CTNNA3: variants seen among roughly 807,000 people sequenced by gnomAD.
CTNNA3 encodes catenin alpha-3.
Under a neutral mutation model 95.7 loss-of-function variants are expected in CTNNA3, and 76 were observed. The observed-to-expected ratio is 0.79, with a 90% CI of 0.66 to 0.96. The LOEUF is 0.96. Among genes scored for constraint, CTNNA3 ranks in the 40% least tolerant of loss-of-function variants. The pLI is 0.00. For missense variants in CTNNA3, 1,191 were observed against 1,089.8 expected (o/e 1.09, Z -1.31); for synonymous variants, 431 against 374.4 (o/e 1.15, Z -1.74).
At chr10:66,479,731 G>T (rs1285744124) in intron 11 of CTNNA3, among the ~76,000 whole-genome samples, 4 of 151,686 alleles carry the variant, frequency 2.6e-5, no homozygotes, top group African/African-American at 9.7e-5. Context: ...CCAAGGAAAG[G>T]CATGCTTATT....
chr10:66,743,804 C>T (rs1395508566), intron 9 of CTNNA3, among the ~76,000 whole-genome samples: 2 of 151,680 alleles, frequency 1.3e-5, no homozygotes, highest in East Asian at 1.9e-4. Flanking sequence ...GGTGAAATCC[C>T]GTCTCTGCCA....
At chr10:67,371,100 T>A (rs1843427708) in intron 5 of CTNNA3, among the ~76,000 whole-genome samples, 1 of 151,664 alleles carries the variant, frequency 6.6e-6, no homozygotes, top group Admixed American at 6.6e-5. Flanking sequence ...TCTCCTGACC[T>A]CTTGATCCGC....
intron 10 of CTNNA3, among the ~76,000 whole-genome samples, chr10:66,557,121 G>A (rs4579831): frequency 6.6e-6 from 1 of 151,864 alleles, no homozygotes; most frequent in African/African-American, 2.4e-5. Flanking sequence ...GCTCAATTCA[G>A]AACTAAGCAT....
intron 12 of CTNNA3, among the ~76,000 whole-genome samples, chr10:66,284,963 G>A (rs2091560288): frequency 6.6e-6 from 1 of 151,518 alleles, no homozygotes; most frequent in African/African-American, 2.4e-5. Context: ...GCTAATTATT[G>A]TGGTTCATAT....
At chr10:67,653,019 T>G (rs1839921060) in intron 1 of CTNNA3, among the ~76,000 whole-genome samples, 1 of 152,188 alleles carries the variant, frequency 6.6e-6, no homozygotes, top group African/African-American at 2.4e-5. Context: ...ATTGGGTAAT[T>G]TATAAAGAAA....
At chr10:66,479,840 T>A (rs894109934) in intron 11 of CTNNA3, among the ~76,000 whole-genome samples, 1 of 152,036 alleles carries the variant, frequency 6.6e-6, no homozygotes, top group Non-Finnish European at 1.5e-5. Flanking sequence ...CTGGTTTGTG[T>A]TTTATGTGCC....
intron 17 of CTNNA3, among the ~76,000 whole-genome samples, chr10:65,963,931 C>A (rs969135194): frequency 6.6e-6 from 1 of 152,170 alleles, no homozygotes; most frequent in Non-Finnish European, 1.5e-5. Context: ...CAGAACAGAA[C>A]ATACTGCCCA....
intron 15 of CTNNA3, among the ~76,000 whole-genome samples, chr10:66,031,610 A>G (rs2079450785): frequency 6.6e-6 from 1 of 152,184 alleles, no homozygotes; most frequent in Non-Finnish European, 1.5e-5. Flanking sequence ...TCTACTGGGT[A>G]CCATACTAAC....
In CTNNA3 at chr10:65,988,745, T is replaced by C; in HGVS notation, c.2212A>G (p.Ile738Val). 1.2e-6 allele frequency: 2 copies of C among 1,614,078 alleles called. No individual in the cohort carries two copies. The highest frequency in any genetic ancestry group is 1.7e-6 in the Non-Finnish European group (2 of 1,179,988). ...TTDVIYAAKMISESGSRMDVL... is the reference protein window; with the variant it reads ...TTDVIYAAKMVSESGSRMDVL... ...TCCATCCTTGATCCTGATTCTGATATCATTTTCGCTGCATAGATCACATCA... is the reference window on the plus strand; with the variant it reads ...TCCATCCTTGATCCTGATTCTGATACCATTTTCGCTGCATAGATCACATCA... The change falls in exon 16 of 18, where the codon ATA (isoleucine) becomes GTA (valine). Residue 738 changes from isoleucine (I) to valine (V), a missense_variant. By Grantham distance (29) the Ile-to-Val change is conservative (BLOSUM62 3). Transcript: ENST00000433211.
chr10:66,408,798 C>T (rs924391330), intron 11 of CTNNA3, among the ~76,000 whole-genome samples: 2 of 152,052 alleles, frequency 1.3e-5, no homozygotes, highest in Non-Finnish European at 2.9e-5. Flanking sequence ...TGTATAAAAC[C>T]TAGCTGAAAT....
chr10:66,072,529 C>T (rs185110090), intron 14 of CTNNA3, among the ~76,000 whole-genome samples: 1 of 152,196 alleles, frequency 6.6e-6, no homozygotes, highest in Non-Finnish European at 1.5e-5. Flanking sequence ...ACTGCCACCT[C>T]TACCTCCTAG....
chr10:67,044,428 CT>C (rs1384811852), intron 7 of CTNNA3, among the ~76,000 whole-genome samples: 1 of 151,986 alleles, frequency 6.6e-6, no homozygotes, highest in Non-Finnish European at 1.5e-5. Context: ...TAAAAACTTG[CT>C]TTTAAGAAGA....
intron 7 of CTNNA3, among the ~76,000 whole-genome samples, chr10:66,997,874 C>T (rs1851445857): frequency 6.6e-6 from 1 of 152,158 alleles, no homozygotes; most frequent in Non-Finnish European, 1.5e-5. Context: ...TCCATCCCCA[C>T]ACTCCTAATT....
Position 66,540,681 on chromosome 10 carries a change from C to G in CTNNA3, c.1375-19908G>C, listed in dbSNP as rs1435015669. ...CCTTTCTCCCTTTCTTCCTTTCTTC[C>G]TTTCTTCCTTTCTAGTACAGAGCCA... On this transcript the variant is annotated intron_variant, in intron 10 of 17. Coordinates refer to ENST00000433211, the MANE Select transcript of CTNNA3 (RefSeq NM_013266.4). Among the ~76,000 whole-genome samples, 3 of 151,434 alleles carry G rather than the reference C, an allele frequency of 2.0e-5. No homozygotes were observed. In the East Asian group the frequency reaches 5.8e-4, roughly 29 times the overall value.
At chr10:66,008,254 T>C (rs950442377) in intron 15 of CTNNA3, among the ~76,000 whole-genome samples, 1 of 152,224 alleles carries the variant, frequency 6.6e-6, no homozygotes, top group African/African-American at 2.4e-5. Context: ...TTACTCTGAA[T>C]ATAATTCAAA....
intron 7 of CTNNA3, among the ~76,000 whole-genome samples, chr10:66,901,683 T>A (rs1354763222): frequency 2.6e-5 from 4 of 152,184 alleles, no homozygotes; most frequent in South Asian, 2.1e-4. Context: ...TGGAGGAAGA[T>A]CTACCAAGCA....
At chr10:66,766,507 A>C in intron 8 of CTNNA3, 91 bp from the exon 9 acceptor site, 14 of 1,137,724 alleles carry the variant, frequency 1.2e-5, no homozygotes, top group South Asian at 1.8e-5. Context: ...TACACAACTC[A>C]TTTTTCATTT....
At chr10:67,696,609 C>G (rs886719335), upstream of CTNNA3, among the ~76,000 whole-genome samples, 5 of 152,162 alleles carry the variant, frequency 3.3e-5, no homozygotes, top group African/African-American at 1.2e-4. Context: ...ATCACACTCT[C>G]TCCTTCCAGT....
chr10:66,377,037 T>A (rs567725581), intron 12 of CTNNA3, among the ~76,000 whole-genome samples: 1 of 152,282 alleles, frequency 6.6e-6, no homozygotes, highest in South Asian at 2.1e-4. Flanking sequence ...AGTTTTCTCA[T>A]CTAATTTATT....
Sources: allele counts gnomAD v4.1 joint callset (sites outside exome capture counted in the v4.1 genomes callset), GRCh38; gene constraint gnomAD v4.1.1; transcripts MANE v1.5; gene names NCBI Gene and HGNC (gene_info 2026-07-23, HGNC 2026-07-21).